The following RBM6 variants were observed in gnomAD, a reference collection of about 807,000 sequenced individuals.
RBM6 encodes the protein RNA binding motif protein 6.
A neutral mutation model predicts 140.4 loss-of-function variants in RBM6; 23 were observed. The ratio of observed to expected loss-of-function variants is 0.16; its 90% confidence interval spans 0.12 to 0.23. The LOEUF (loss-of-function observed/expected upper bound fraction) is 0.23. RBM6 is among the 10% of genes least tolerant of loss of function. The pLI is 1.00. For missense variants in RBM6, 1,139 were observed against 1,386.7 expected (o/e 0.82, Z 2.84); for synonymous variants, 439 against 475.6 (o/e 0.92, Z 1.00).
intron 18 of RBM6, among the ~76,000 whole-genome samples, chr3:50,069,068 T>C (rs984622220): frequency 1.3e-5 from 2 of 152,202 alleles, no homozygotes; most frequent in African/African-American, 4.8e-5. Context: ...AAGTGTTGAA[T>C]AGCGCTGCTG....
chr3:50,020,712 C>T (rs1478134103), intron 6 of RBM6, among the ~76,000 whole-genome samples: 1 of 152,192 alleles, frequency 6.6e-6, no homozygotes, highest in African/African-American at 2.4e-5. Context: ...TGCTACCCAC[C>T]TAGGCTATAT....
intron 19 of RBM6, among the ~76,000 whole-genome samples, chr3:50,072,658 G>A (rs1283549439): frequency 6.6e-6 from 1 of 152,172 alleles, no homozygotes; most frequent in Non-Finnish European, 1.5e-5. Context: ...ACCAGGTACA[G>A]TGAACCCTGA....
chr3:50,047,500 C>T (rs1330986643), intron 6 of RBM6, among the ~76,000 whole-genome samples: 3 of 152,160 alleles, frequency 2.0e-5, no homozygotes, highest in Admixed American at 6.5e-5. Flanking sequence ...CTTTAACAGG[C>T]TTGTTGAGCC....
chr3:49,969,334 T>C (rs981625357), intron 3 of RBM6, among the ~76,000 whole-genome samples: 3 of 150,398 alleles, frequency 2.0e-5, no homozygotes, highest in Middle Eastern at 3.4e-3. Flanking sequence ...GTTTTTTTTT[T>C]TTTTTTTCAT....
chr3:50,035,822 G>A (rs2088504771), intron 6 of RBM6, among the ~76,000 whole-genome samples: 1 of 151,568 alleles, frequency 6.6e-6, no homozygotes, highest in Non-Finnish European at 1.5e-5. Context: ...ACGCAGTGGC[G>A]TGATTTCGGC....
chr3:50,021,371 G>A (rs1410351466), intron 6 of RBM6, among the ~76,000 whole-genome samples: 1 of 152,110 alleles, frequency 6.6e-6, no homozygotes, highest in Non-Finnish European at 1.5e-5. Context: ...TGGGTGCAGT[G>A]GCTCATACCT....
intron 7 of RBM6, among the ~76,000 whole-genome samples, chr3:50,050,752 A>T (rs2089432795): frequency 6.6e-6 from 1 of 152,120 alleles, no homozygotes; most frequent in Middle Eastern, 3.2e-3. Flanking sequence ...TTTATTTGAT[A>T]ATAGCCATCC....
intron 6 of RBM6, among the ~76,000 whole-genome samples, chr3:50,015,847 A>G (rs1424947265): frequency 6.6e-6 from 1 of 152,236 alleles, no homozygotes; most frequent in Non-Finnish European, 1.5e-5. Context: ...TTTATGGAGT[A>G]CCCACGTTAT....
At chr3:50,060,857 A>G in intron 11 of RBM6, 99 bp from the exon 12 acceptor site, 1 of 1,320,558 alleles carries the variant, frequency 7.6e-7, no homozygotes. Flanking sequence ...TCCCTGCAAA[A>G]TGAGGAACAG....
chr3:50,071,368 A>T (rs1382541277), intron 19 of RBM6, among the ~76,000 whole-genome samples: 1 of 152,234 alleles, frequency 6.6e-6, no homozygotes, highest in Non-Finnish European at 1.5e-5. Flanking sequence ...ACGGTCATGG[A>T]ATAATTTTAA....
Position 50,075,318 on chromosome 3 carries a change from T to G in RBM6, c.3234T>G (p.Ala1078=). 2.5e-6 allele frequency: 4 copies of G among 1,612,896 alleles called. No individual in the cohort carries two copies. Among genetic ancestry groups the G allele is most frequent in the Non-Finnish European group, 3.4e-6 (4 of 1,179,582 alleles). The change falls in exon 20 of 21, where the codon GCT becomes GCG. Residue 1078 remains alanine, a synonymous_variant. Coordinates refer to ENST00000266022, the MANE Select transcript of RBM6 (RefSeq NM_005777.3). ...TGGGATATGGCCATCCTGGATTGGC[T>G]TCATCAGAGGAGGTAAAATGGTTTC... ...TGLGYGHPGL[A]SSEEAEGRMR...
intron 6 of RBM6, 28 bp from the exon 7 acceptor site, chr3:50,048,217 T>G: frequency 6.2e-7 from 1 of 1,609,650 alleles, no homozygotes; most frequent in Non-Finnish European, 8.5e-7. Flanking sequence ...AGGGTTGATG[T>G]TGATGGCTTC....
intron 1 of RBM6, among the ~76,000 whole-genome samples, chr3:49,951,603 C>T (rs193274546): frequency 1.6e-3 from 245 of 151,980 alleles, no homozygotes; most frequent in African/African-American, 3.7e-3. Context: ...TGAAGTCTCA[C>T]TCTGTTGCCC....
intron 15 of RBM6, among the ~76,000 whole-genome samples, chr3:50,063,003 C>T (rs1014550617): frequency 6.6e-6 from 1 of 151,548 alleles, no homozygotes; most frequent in African/African-American, 2.4e-5. Flanking sequence ...AAGCAGTCCT[C>T]CCACCTCAGC....
chr3:50,045,435 T>C (rs960977865), intron 6 of RBM6, among the ~76,000 whole-genome samples: 2 of 152,204 alleles, frequency 1.3e-5, no homozygotes, highest in African/African-American at 4.8e-5. Flanking sequence ...CAGTCTTTGA[T>C]TCATTCAACA....
intron 19 of RBM6, 71 bp downstream of exon 19, chr3:50,070,623 A>C: frequency 9.1e-7 from 1 of 1,099,088 alleles, no homozygotes; most frequent in Non-Finnish European, 1.4e-6. Context: ...CTTCAACTGT[A>C]CTGCTGTTTT....
chr3:50,041,210 A>C (rs1345842224), intron 6 of RBM6, among the ~76,000 whole-genome samples: 1 of 152,192 alleles, frequency 6.6e-6, no homozygotes, highest in South Asian at 2.1e-4. Context: ...TCAACCTTAC[A>C]TTGGACACTG....
chr3:49,986,510 G>A (rs1358536544), intron 5 of RBM6, among the ~76,000 whole-genome samples: 1 of 150,788 alleles, frequency 6.6e-6, no homozygotes, highest in Non-Finnish European at 1.5e-5. Flanking sequence ...CAGGAGAATG[G>A]CATGAACCCG....
At chr3:49,965,995 G>A (rs1026224880) in intron 2 of RBM6, among the ~76,000 whole-genome samples, 1 of 152,006 alleles carries the variant, frequency 6.6e-6, no homozygotes, top group Non-Finnish European at 1.5e-5. Flanking sequence ...GCATGGTGGC[G>A]CATGCCTGTA....
Sources: gnomAD v4.1 joint callset for allele counts (sites outside exome capture counted in the v4.1 genomes callset) on GRCh38, gnomAD v4.1.1 for gene constraint, MANE v1.5 for transcripts, NCBI Gene and HGNC (gene_info 2026-07-23, HGNC 2026-07-21) for gene names.